The following RRP12 variants were observed in gnomAD, a reference collection of about 807,000 sequenced individuals.
RRP12 encodes ribosomal RNA processing 12 homolog.
In RRP12, 78 loss-of-function variants were observed where a neutral mutation model predicts 157.3. The ratio of observed to expected loss-of-function variants is 0.50; its 90% confidence interval spans 0.41 to 0.60. The LOEUF (loss-of-function observed/expected upper bound fraction) is 0.60. RRP12 is among the 20% of genes least tolerant of loss of function. RRP12 has a pLI of 0.00. For synonymous variants in RRP12, 726 were observed against 670.9 expected (o/e 1.08, Z -1.27); for missense variants, 1,521 against 1,679.9 (o/e 0.91, Z 1.65).
chr10:97,401,343 C>A (rs1295488803), upstream of RRP12: 19 of 1,362,200 alleles, frequency 1.4e-5, no homozygotes, highest in East Asian at 4.2e-4. Flanking sequence ...CTTCTTCTGG[C>A]GTCACTTCCG....
At chr10:97,374,980 C>G (rs1410223682) in intron 15 of RRP12, among the ~76,000 whole-genome samples, 6 of 152,100 alleles carry the variant, frequency 3.9e-5, no homozygotes, top group Non-Finnish European at 8.8e-5. Flanking sequence ...TTAAACAAAA[C>G]CTGCCCCAAG....
rs1258723163 is a variant in RRP12 at position 97,380,877 on chromosome 10, C to T, written c.1455G>A (p.Ala485=). Residue 485 remains alanine, a synonymous_variant, in exon 13 of 34, where the codon GCG becomes GCA. Coordinates refer to ENST00000370992, the MANE Select transcript of RRP12 (RefSeq NM_015179.4). ...GCAGCTGCAACACGGAGCTCCAGGC[C>T]GCATGGAATTTGTACGTCAGGCCCT... ...VEEGLTYKFH[A]AWSSVLQLLC... 13 of 1,614,034 alleles carry T rather than the reference C, an allele frequency of 8.1e-6. No homozygotes were observed. In the East Asian group the frequency reaches 8.9e-5, roughly 11 times the overall value.
At position 97,388,297 on chromosome 10, in the gene RRP12, C is replaced by A. The variant is rs543576866; in HGVS notation, c.972G>T (p.Lys324Asn). The A allele has an allele frequency of 1.2e-4, 194 of 1,614,046 alleles. No homozygotes were observed. The highest frequency in any genetic ancestry group is 1.5e-4 in the Non-Finnish European group (177 of 1,180,028). Reference protein sequence around the residue: ...LLPCFPEGLVKSCSETLLRVM... With the variant: ...LLPCFPEGLVNSCSETLLRVM... The stretch of plus-strand genomic sequence containing the variant: ...CCCTGAGGAGAGTCTCACTGCAGCT[C>A]TTCACCAGGCCTTCCGGGAAGCAGG... The change falls in exon 8 of 34, where the codon AAG becomes AAT. Residue 324 changes from lysine (K) to asparagine (N), a missense_variant. By Grantham distance (94) the Lys-to-Asn change is moderately conservative (BLOSUM62 0). Coordinates refer to ENST00000370992, the MANE Select transcript of RRP12 (RefSeq NM_015179.4).
At chr10:97,389,902 G>A (rs770362369) in intron 6 of RRP12, among the ~76,000 whole-genome samples, 2 of 151,956 alleles carry the variant, frequency 1.3e-5, no homozygotes, top group Non-Finnish European at 1.5e-5. Flanking sequence ...TAGTAGAGTC[G>A]AGGTTTCACT....
Position 97,366,437 on chromosome 10 carries a change from T to A in RRP12, c.3391+9A>T. 1 of 1,606,850 alleles carries A rather than the reference T, an allele frequency of 6.2e-7. No individual in the cohort carries two copies. The highest frequency in any genetic ancestry group is 1.7e-4 in the Middle Eastern group (1 of 6,002). ...GTTTTCTGAGTGCACTGGCCAGCCC[T>A]GTGCTTACCCAGGACTCGTTGGGCC... On this transcript the variant is annotated intron_variant, in intron 28 of 33. Transcript: ENST00000370992.
rs562877465 is a variant in RRP12, at chr10:97,379,338, A to G, written c.1753T>C (p.Phe585Leu). 3 of 1,614,152 alleles carry G rather than the reference A, an allele frequency of 1.9e-6. No homozygotes were observed. The highest frequency in any genetic ancestry group is 1.1e-5 in the South Asian group (1 of 91,078). ...DHVQETRLGF[F>L]TTYFLPLANT... ...GCCAGGGGCAAGAAGTAGGTGGTGA[A>G]AAAACCAAGTCGCGTTTCCTGAACA... is the stretch of plus-strand genomic sequence containing the variant. The change falls in exon 15 of 34, where the codon TTC becomes CTC. Residue 585 changes from phenylalanine to leucine, a missense_variant. By Grantham distance (22) the Phe-to-Leu change is conservative. Coordinates refer to ENST00000370992, the MANE Select transcript of RRP12 (RefSeq NM_015179.4).
Position 97,379,669 on chromosome 10 carries a change from C to T in RRP12, c.1635G>A (p.Glu545=), listed in dbSNP as rs1430468482. The change falls in exon 14 of 34, where the codon GAG becomes GAA. Residue 545 remains glutamate (E), a synonymous_variant. Coordinates refer to ENST00000370992, the MANE Select transcript of RRP12 (RefSeq NM_015179.4). ...CCAAAGGCACAGCCTGCAGCACCAC[C>T]TCAGGTCCCATACTGGTCACCGCAG... ...VGAAVTSMGP[E]VVLQAVPLEI... The T allele has an allele frequency of 1.2e-6, 2 of 1,614,086 alleles. No individual in the cohort carries two copies. The highest frequency in any genetic ancestry group is 4.5e-5 in the East Asian group (2 of 44,876).
At position 97,388,162 on chromosome 10, in the gene RRP12, C is replaced by A. The variant is rs1844690821; in HGVS notation, c.1017+90G>T. ...TTAAGAACACAGTCAGGGAGGGAGACCCCAGGCCCTGCATTTTGACTGACC... is the reference window on the plus strand; with the variant it reads ...TTAAGAACACAGTCAGGGAGGGAGAACCCAGGCCCTGCATTTTGACTGACC... On this transcript the variant is annotated intron_variant, in intron 8 of 33. Transcript: ENST00000370992. 3.9e-6 allele frequency: 6 copies of A among 1,550,958 alleles called. No homozygotes were observed. The Admixed American group carries it at 7.0e-5, about 18-fold the overall frequency.
chr10:97,394,275 A>G (rs1469635535), intron 3 of RRP12, among the ~76,000 whole-genome samples: 1 of 152,198 alleles, frequency 6.6e-6, no homozygotes. Context: ...CCCAGGAGGC[A>G]GAGCTTGCAA....
intron 25 of RRP12, among the ~76,000 whole-genome samples, chr10:97,368,150 C>A (rs548273389): frequency 4.0e-5 from 6 of 151,254 alleles, no homozygotes; most frequent in Non-Finnish European, 5.9e-5. Flanking sequence ...CACACCTCAG[C>A]CACATGAACA....
rs1276464196 is a variant in RRP12, at chr10:97,390,768, T to C, written c.607A>G (p.Ser203Gly). The C allele has an allele frequency of 6.2e-7, 1 of 1,613,702 alleles. No individual in the cohort carries two copies. Among genetic ancestry groups the C allele is most frequent in the Non-Finnish European group, 8.5e-7 (1 of 1,179,700 alleles). ...CGGAGGACAGAGGTGGAGCCGCTGC[T>C]GGCCTGAGCTGACATGATATCCATG... Reference protein sequence around the residue: ...AFMDIMSAQASSGSTSVLRWV... With the variant: ...AFMDIMSAQAGSGSTSVLRWV... Residue 203 changes from serine (S) to glycine (G), a missense_variant, in exon 5 of 34, where the codon AGC (serine) becomes GGC (glycine). By Grantham distance (56) the Ser-to-Gly change is moderately conservative. Transcript: ENST00000370992.
Position 97,370,240 on chromosome 10 carries a change from AG to A in RRP12, c.2723del (p.Pro908LeufsTer7). The stretch of plus-strand genomic sequence containing the variant: ...CCATGGTCACCGCGCCCACCAGGCC[AG>A]GGTAGATCAGGACGAGGTAGCACTG... ...ALQCYLVLIYPGLVGAVTMVS... is the reference protein window; with the variant it reads ...ALQCYLVLIYXGLVGAVTMVS... On this transcript the variant is annotated frameshift_variant, in exon 24 of 34. Coordinates refer to ENST00000370992, the MANE Select transcript of RRP12 (RefSeq NM_015179.4). LOFTEE classifies it high-confidence loss of function. The A allele has an allele frequency of 6.2e-7, 1 of 1,602,892 alleles. No homozygotes were observed. Among genetic ancestry groups the A allele is most frequent in the Non-Finnish European group, 8.5e-7 (1 of 1,175,380 alleles).
Position 97,374,781 on chromosome 10 carries a change from A to AC in RRP12, c.1799-888_1799-887insG, listed in dbSNP as rs1321263069. Among the ~76,000 whole-genome samples the AC allele has an allele frequency of 2.0e-5, 3 of 151,868 alleles. No homozygotes were observed. The East Asian group carries it at 5.9e-4, about 30-fold the overall frequency. ...AGCGAGACTCTGTCTCAAAAAAAAA[A>AC]AAAAAAAACCATAGGGAGGAATATA... is the stretch of plus-strand genomic sequence containing the variant. On this transcript the variant is annotated intron_variant, in intron 15 of 33. Transcript: ENST00000370992.
chr10:97,373,322 T>C, intron 17 of RRP12, 122 bp from the exon 18 acceptor site: 1 of 1,133,878 alleles, frequency 8.8e-7, no homozygotes. Flanking sequence ...ATCCATGGGT[T>C]TGGGGCTCTC....
At chr10:97,393,409 A>G (rs1844864823) in intron 4 of RRP12, 21 of 598,724 alleles carry the variant, frequency 3.5e-5, no homozygotes, top group South Asian at 2.7e-4. Context: ...CTGGACACAC[A>G]CCACGTGAAG....
At chr10:97,395,936 T>C (rs991535972) in intron 3 of RRP12, among the ~76,000 whole-genome samples, 3 of 150,864 alleles carry the variant, frequency 2.0e-5, no homozygotes, top group South Asian at 4.2e-4. Flanking sequence ...CACCGCAAGA[T>C]GACAAGACGG....
intron 20 of RRP12, 109 bp downstream of exon 20, chr10:97,371,964 T>C: frequency 2.9e-6 from 2 of 697,094 alleles, no homozygotes; most frequent in Admixed American, 5.1e-5. Flanking sequence ...GACAGGGACC[T>C]GATCTCGGGA....
chr10:97,369,508 C>T lies in RRP12; in HGVS notation c.2872G>A (p.Val958Met), dbSNP rs370226569. The change falls in exon 25 of 34, where the codon GTG becomes ATG. Residue 958 changes from valine (V) to methionine (M), a missense_variant. By Grantham distance (21) the Val-to-Met change is conservative. Transcript: ENST00000370992. ...CLLLASRTRD[V>M]VKSALGFIKV... ...ATGAAGCCCAGTGCAGACTTGACCA[C>T]GTCACGGGTGCGGGAGGCCAGAAGC... 1.6e-5 allele frequency: 26 copies of T among 1,605,762 alleles called. No individual in the cohort carries two copies. The highest frequency in any genetic ancestry group is 1.2e-4 in the African/African-American group (9 of 74,774).
chr10:97,360,659 A>T (rs1162209786), intron 30 of RRP12, 41 bp from the exon 31 acceptor site: 8 of 1,493,354 alleles, frequency 5.4e-6, no homozygotes, highest in Non-Finnish European at 7.5e-6. Context: ...GAACCAGGGG[A>T]TGTGCCCACC....
Sources: allele counts gnomAD v4.1 joint callset (sites outside exome capture counted in the v4.1 genomes callset), GRCh38; gene constraint gnomAD v4.1.1; transcripts MANE v1.5; gene names NCBI Gene and HGNC (gene_info 2026-07-23, HGNC 2026-07-21).